The following AGL variants were observed in gnomAD, a reference collection of about 807,000 sequenced individuals.
AGL encodes glycogen debranching enzyme.
In AGL, 128 loss-of-function variants were observed where a neutral mutation model predicts 199.3. The ratio of observed to expected loss-of-function variants is 0.64; its 90% CI spans 0.56 to 0.74. The LOEUF is 0.74. Among genes scored for constraint, AGL ranks in the 30% least tolerant of loss-of-function variants. The pLI is 0.00. For synonymous variants in AGL, 584 were observed against 594.7 expected (o/e 0.98, Z 0.26); for missense variants, 1,809 against 1,820.8 (o/e 0.99, Z 0.12).
chr1:99,870,746 G>A lies in AGL; in HGVS notation c.847-12G>A, dbSNP rs757598321. The A allele has an allele frequency of 6.5e-6, 10 of 1,543,912 alleles. No homozygotes were observed. In the South Asian group the frequency reaches 1.1e-4, roughly 17 times the overall value. On this transcript the variant is annotated splice_polypyrimidine_tract_variant and intron_variant, in intron 6 of 33. Coordinates refer to ENST00000361915, the MANE Select transcript of AGL (RefSeq NM_000642.3). ...TGTATATATGTATTTTTTAACTATT[G>A]ACATTTTTCAGTCCATCCGAAAAAT...
At chr1:99,902,846 A>T in intron 27 of AGL, 52 bp downstream of exon 27, 1 of 1,366,338 alleles carries the variant, frequency 7.3e-7, no homozygotes, top group Non-Finnish European at 1.0e-6. Flanking sequence ...ATGAAATTAA[A>T]CCTTGCAATT....
chr1:99,869,640 T>C (rs1357913166), intron 5 of AGL, among the ~76,000 whole-genome samples: 2 of 152,208 alleles, frequency 1.3e-5, no homozygotes, highest in Non-Finnish European at 2.9e-5. Context: ...TAAATTAGTG[T>C]ATTTAACTGC....
chr1:99,865,589 G>A (rs1187953383), intron 5 of AGL, among the ~76,000 whole-genome samples: 2 of 152,204 alleles, frequency 1.3e-5, no homozygotes, highest in African/African-American at 2.4e-5. Context: ...CTGACAAAGC[G>A]TGGCCATCAG....
chr1:99,874,572 A>G (rs1054116408), intron 7 of AGL, 115 bp from the exon 8 acceptor site: 107 of 1,041,208 alleles, frequency 1.0e-4, no homozygotes, highest in Non-Finnish European at 1.3e-4. Context: ...CCTGTGAAAT[A>G]AATATTTGTT....
At position 99,915,394 on chromosome 1, in the gene AGL, T is replaced by A. The variant is rs764102150; in HGVS notation, c.4167T>A (p.Pro1389=). ...TTGTTTTTGGCATTCACTAGGCCCC[T>A]GAGCTCTTTACTACAGAAAAAGCAT... The part of the protein sequence containing the change: ...PNFTIAMVVA[P]ELFTTEKAWK... The change falls in exon 31 of 34, where the codon CCT becomes CCA. Residue 1389 remains proline, a synonymous_variant. Transcript: ENST00000361915. 6.2e-7 allele frequency: 1 copy of A among 1,613,682 alleles called. No individual in the cohort carries two copies. Among genetic ancestry groups the A allele is most frequent in the South Asian group, 1.1e-5 (1 of 91,072 alleles).
intron 31 of AGL, among the ~76,000 whole-genome samples, chr1:99,915,773 A>AACAC (rs951988452): frequency 6.0e-5 from 9 of 150,830 alleles, no homozygotes; most frequent in East Asian, 1.9e-4. Flanking sequence ...ACTGTATTAA[A>AACAC]ACACACACAC....
chr1:99,870,293 A>C, intron 5 of AGL, 107 bp from the exon 6 acceptor site: 1 of 1,233,426 alleles, frequency 8.1e-7, no homozygotes. Context: ...CCAATATAGA[A>C]AAAAATGAGT....
In AGL at chr1:99,874,820, G is replaced by A. The variant is rs190435682; in HGVS notation, c.1082+10G>A. 18 of 1,613,090 alleles carry A rather than the reference G, an allele frequency of 1.1e-5. No individual in the cohort carries two copies. In the African/African-American group the frequency reaches 2.0e-4, roughly 18 times the overall value. ...CTTTCATACCACATGAGTATGTAAT[G>A]TGTTTTTTTCTGTGAAATAATAATA... On this transcript the variant is annotated intron_variant, in intron 8 of 33. Coordinates refer to ENST00000361915, the MANE Select transcript of AGL (RefSeq NM_000642.3).
At position 99,881,126 on chromosome 1, in the gene AGL, A is replaced by G. The variant is rs776501271; in HGVS notation, c.1950A>G (p.Ala650=). 38 of 1,613,904 alleles carry G rather than the reference A, an allele frequency of 2.4e-5. No individual in the cohort carries two copies. The highest frequency in any genetic ancestry group is 3.2e-5 in the Non-Finnish European group (38 of 1,179,964). The change falls in exon 15 of 34, where the codon GCA becomes GCG. Residue 650 remains alanine (A), a synonymous_variant. Coordinates refer to ENST00000361915, the MANE Select transcript of AGL (RefSeq NM_000642.3). ...ALPSTTIVSM[A]CCASGSTRGY... is the part of the protein sequence containing the mutation. ...CAAGTACTACAATTGTTTCTATGGC[A>G]TGTTGTGCTAGTGGAAGTACAAGAG...
intron 14 of AGL, 73 bp from the exon 15 acceptor site, chr1:99,881,003 T>G (rs775085847): frequency 1.6e-5 from 22 of 1,348,946 alleles, no homozygotes; most frequent in Non-Finnish European, 2.3e-5. Context: ...ATCCTTTTAC[T>G]TCATTATGCT....
intron 24 of AGL, among the ~76,000 whole-genome samples, chr1:99,893,159 T>C (rs566138570): frequency 1.9e-4 from 29 of 152,270 alleles, no homozygotes; most frequent in Admixed American, 1.0e-3. Flanking sequence ...TTTAATACAT[T>C]TCAAGCATAT....
intron 33 of AGL, 42 bp downstream of exon 33, chr1:99,916,773 G>C: frequency 1.3e-6 from 2 of 1,593,942 alleles, no homozygotes; most frequent in African/African-American, 2.7e-5. Context: ...CTAGTGTTTA[G>C]TCAGTTTATT....
chr1:99,904,963 A>G (rs929616474), intron 27 of AGL, among the ~76,000 whole-genome samples: 7 of 152,220 alleles, frequency 4.6e-5, no homozygotes, highest in African/African-American at 1.7e-4. Context: ...TGTGTGACAC[A>G]TAAGTTTTCA....
chr1:99,896,224 G>C (rs1335242856), intron 24 of AGL, 62 bp from the exon 25 acceptor site: 1 of 1,362,332 alleles, frequency 7.3e-7, no homozygotes, highest in African/African-American at 1.4e-5. Flanking sequence ...TAGTAATGGA[G>C]TTCATAGGTT....
chr1:99,878,964 G>A (rs919742062), intron 12 of AGL, among the ~76,000 whole-genome samples: 1 of 152,064 alleles, frequency 6.6e-6, no homozygotes, highest in African/African-American at 2.4e-5. Flanking sequence ...GATTCTACTT[G>A]TTAGCTAATA....
intron 7 of AGL, among the ~76,000 whole-genome samples, chr1:99,872,324 A>G (rs902283640): frequency 2.0e-5 from 3 of 152,084 alleles, no homozygotes; most frequent in African/African-American, 7.2e-5. Context: ...ATCCCCGTAC[A>G]CCTTATGTTT....
At chr1:99,892,318 T>A in intron 23 of AGL, 114 bp from the exon 24 acceptor site, 1 of 944,700 alleles carries the variant, frequency 1.1e-6, no homozygotes, top group Non-Finnish European at 1.6e-6. Flanking sequence ...TAAGTAATAT[T>A]ACTATTGTTA....
In AGL at chr1:99,916,746, G is replaced by A. The variant is rs754886093; in HGVS notation, c.4481+15G>A. Reference sequence around the variant, plus strand: ...CATCTTGAGAGGTAAGTCATCAGGAGCATGTAATTTCCATAACTAGTGTTT... The same window carrying A: ...CATCTTGAGAGGTAAGTCATCAGGAACATGTAATTTCCATAACTAGTGTTT... On this transcript the variant is annotated intron_variant, in intron 33 of 33. Coordinates refer to ENST00000361915, the MANE Select transcript of AGL (RefSeq NM_000642.3). 6 of 1,611,540 alleles carry A rather than the reference G, an allele frequency of 3.7e-6. 1 individual carries two copies. In the South Asian group the frequency reaches 6.6e-5, roughly 18 times the overall value.
At chr1:99,909,993 A>C (rs1654618933) in intron 27 of AGL, among the ~76,000 whole-genome samples, 1 of 152,220 alleles carries the variant, frequency 6.6e-6, no homozygotes, top group Non-Finnish European at 1.5e-5. Flanking sequence ...GATATTAGAT[A>C]TACCAGTATT....
Sources: gnomAD v4.1 joint callset for allele counts (sites outside exome capture counted in the v4.1 genomes callset) on GRCh38, gnomAD v4.1.1 for gene constraint, MANE v1.5 for transcripts, NCBI Gene and HGNC (gene_info 2026-07-23, HGNC 2026-07-21) for gene names.